Variants in RIMS2 observed in about 807,000 individuals in gnomAD.
The protein encoded by RIMS2 is regulating synaptic membrane exocytosis 2, also known as regulating synaptic membrane exocytosis protein 2.
Under a neutral mutation model 174.4 loss-of-function variants are expected in RIMS2, and 59 were observed. That is an observed-to-expected ratio of 0.34 (90% CI 0.27 to 0.42). RIMS2 has a LOEUF of 0.42. Among genes scored for constraint, RIMS2 ranks in the 10% least tolerant of loss-of-function variants. The pLI is 1.00. For missense variants in RIMS2, 1,620 were observed against 1,666.3 expected (o/e 0.97, Z 0.48); for synonymous variants, 606 against 572.5 (o/e 1.06, Z -0.84).
intron 19 of RIMS2, among the ~76,000 whole-genome samples, chr8:104,022,052 A>G (rs953304165): frequency 2.6e-5 from 4 of 152,196 alleles, no homozygotes; most frequent in African/African-American, 9.7e-5. Context: ...CCAAAATGCA[A>G]AAGTCTGAAA....
chr8:103,783,976 G>A (rs1231078909), intron 3 of RIMS2, among the ~76,000 whole-genome samples: 3 of 151,764 alleles, frequency 2.0e-5, no homozygotes, highest in Non-Finnish European at 2.9e-5. Flanking sequence ...GGTGTGAGAT[G>A]GTATCTCATT....
chr8:104,143,296 A>G (rs1197022751), intron 19 of RIMS2, among the ~76,000 whole-genome samples: 1 of 152,234 alleles, frequency 6.6e-6, no homozygotes, highest in African/African-American at 2.4e-5. Context: ...GATAATAGTA[A>G]TTTCAGCTAC....
chr8:103,985,063 A>T (rs979165761), intron 16 of RIMS2, among the ~76,000 whole-genome samples: 8 of 152,298 alleles, frequency 5.3e-5, no homozygotes, highest in African/African-American at 1.9e-4. Flanking sequence ...GGTGAAGGGG[A>T]TGTGGCAATG....
chr8:103,632,819 C>T (rs551025399), intron 1 of RIMS2, among the ~76,000 whole-genome samples: 13 of 141,086 alleles, frequency 9.2e-5, no homozygotes, highest in African/African-American at 2.2e-4. Flanking sequence ...CTGCAAGCTC[C>T]GCCTCCTGGG....
chr8:103,584,455 A>G lies in RIMS2; in HGVS notation c.176+83393A>G, dbSNP rs180676644. ...AAAAACACAGATTTTTTTTAACACT[A>G]TAACTGTGGTGTGTAAACTTCTCTT... is the stretch of plus-strand genomic sequence containing the variant. On this transcript the variant is annotated intron_variant, in intron 1 of 23. Transcript: ENST00000504942. Among the ~76,000 whole-genome samples the G allele has an allele frequency of 4.3e-3, 652 of 152,142 alleles. 3 individuals carry two copies. Among genetic ancestry groups the G allele is most frequent in the African/African-American group, 0.015 (609 of 41,510 alleles).
At chr8:103,810,715 T>G (rs1246360901) in intron 3 of RIMS2, among the ~76,000 whole-genome samples, 4 of 152,066 alleles carry the variant, frequency 2.6e-5, no homozygotes, top group African/African-American at 9.7e-5. Flanking sequence ...CTAAAGCACT[T>G]TTTTCTGACA....
intron 1 of RIMS2, among the ~76,000 whole-genome samples, chr8:103,539,509 A>G (rs1443906288): frequency 4.6e-5 from 7 of 152,220 alleles, no homozygotes; most frequent in Non-Finnish European, 1.0e-4. Context: ...GAATTGGCTT[A>G]CCTGAGATGC....
intron 19 of RIMS2, among the ~76,000 whole-genome samples, chr8:104,194,916 C>T (rs376423417): frequency 1.3e-5 from 2 of 152,170 alleles, no homozygotes; most frequent in African/African-American, 4.8e-5. Flanking sequence ...TGCAAGACAA[C>T]TCACATAATT....
chr8:104,180,377 A>G (rs77141370), intron 19 of RIMS2, among the ~76,000 whole-genome samples: 1 of 148,218 alleles, frequency 6.7e-6, no homozygotes, highest in Admixed American at 6.7e-5. Flanking sequence ...TTTTTTTTTA[A>G]TCTTTGCCAA....
intron 1 of RIMS2, among the ~76,000 whole-genome samples, chr8:103,607,369 C>T (rs2095155648): frequency 6.6e-6 from 1 of 151,938 alleles, no homozygotes; most frequent in African/African-American, 2.4e-5. Flanking sequence ...GCTGAGAGAT[C>T]CGCTGTTAGT....
rs1213078154 is a variant in RIMS2, at chr8:103,762,957, A to G, written c.388-3270A>G. Among the ~76,000 whole-genome samples, 4 of 152,152 alleles carry G rather than the reference A, an allele frequency of 2.6e-5. No homozygotes were observed. The East Asian group carries it at 7.7e-4, about 29-fold the overall frequency. On this transcript the variant is annotated intron_variant, in intron 2 of 23. Coordinates refer to ENST00000504942, the Ensembl canonical transcript of RIMS2. ...GGCATGGTAAAAATACGGTATTATAATATTAGGGAACCACCCTTCTATATA... is the reference window on the plus strand; with the variant it reads ...GGCATGGTAAAAATACGGTATTATAGTATTAGGGAACCACCCTTCTATATA...
chr8:103,743,561 A>G (rs554115195), intron 2 of RIMS2, among the ~76,000 whole-genome samples: 3 of 54,484 alleles, frequency 5.5e-5, no homozygotes, highest in East Asian at 9.7e-4. Context: ...ATTAGCATCT[A>G]TATTTATTAC....
At chr8:103,508,945 C>A (rs1366064309) in intron 1 of RIMS2, among the ~76,000 whole-genome samples, 1 of 152,016 alleles carries the variant, frequency 6.6e-6, no homozygotes, top group Non-Finnish European at 1.5e-5. Context: ...TAATATATAT[C>A]TGCCTGTATC....
intron 4 of RIMS2, among the ~76,000 whole-genome samples, chr8:103,902,214 A>G (rs1438945826): frequency 6.6e-6 from 1 of 152,174 alleles, no homozygotes; most frequent in Non-Finnish European, 1.5e-5. Context: ...CACAGTTCCT[A>G]AAGGCTGCCT....
At chr8:103,863,737 T>C (rs1425252507) in intron 3 of RIMS2, among the ~76,000 whole-genome samples, 2 of 152,126 alleles carry the variant, frequency 1.3e-5, no homozygotes, top group Non-Finnish European at 2.9e-5. Context: ...ATGTTCATAA[T>C]AGTCTTTGAG....
intron 3 of RIMS2, among the ~76,000 whole-genome samples, chr8:103,785,858 C>T (rs2098438481): frequency 6.6e-6 from 1 of 152,112 alleles, no homozygotes; most frequent in African/African-American, 2.4e-5. Flanking sequence ...CCAGTTCCTC[C>T]TTGTATCTCT....
At chr8:103,589,050 C>T (rs899961229) in intron 1 of RIMS2, among the ~76,000 whole-genome samples, 1 of 151,552 alleles carries the variant, frequency 6.6e-6, no homozygotes, top group Non-Finnish European at 1.5e-5. Flanking sequence ...GAGGTCCTAC[C>T]TAGAGCATTC....
intron 3 of RIMS2, among the ~76,000 whole-genome samples, chr8:103,773,545 C>G (rs2154429110): frequency 6.6e-6 from 1 of 152,168 alleles, no homozygotes; most frequent in East Asian, 1.9e-4. Flanking sequence ...GCCTGACCAA[C>G]ATGGAGAAAA....
chr8:104,073,111 A>G (rs1277862837), intron 19 of RIMS2, among the ~76,000 whole-genome samples: 2 of 152,110 alleles, frequency 1.3e-5, no homozygotes, highest in Admixed American at 1.3e-4. Context: ...GAAAAATGTG[A>G]TTTATTAAGT....
Sources: gnomAD v4.1 joint callset for allele counts (sites outside exome capture counted in the v4.1 genomes callset) on GRCh38, gnomAD v4.1.1 for gene constraint, MANE v1.5 for transcripts, NCBI Gene and HGNC (gene_info 2026-07-23, HGNC 2026-07-21) for gene names.